Variants in ATP11C observed in about 807,000 individuals in gnomAD.
The protein encoded by ATP11C is phospholipid-transporting ATPase IG.
In ATP11C, 36 loss-of-function variants were observed where a neutral mutation model predicts 97.4. The observed-to-expected ratio is 0.37, with a 90% CI of 0.28 to 0.49. The LOEUF is 0.49. Ranked by LOEUF, ATP11C falls within the 20% of genes least tolerant of loss-of-function variation. The pLI, the probability that ATP11C is intolerant of heterozygous loss-of-function variation, is 0.98. For synonymous variants in ATP11C, 275 were observed against 290.9 expected (o/e 0.95, Z 0.56); for missense variants, 730 against 824.6 (o/e 0.89, Z 1.40).
chrX:139,867,262 GAC>G, intron 1 of ATP11C, among the ~76,000 whole-genome samples: 1 of 111,064 alleles, frequency 9.0e-6, no homozygotes, highest in East Asian at 2.8e-4. Context: ...AGTGGGAGGA[GAC>G]AGACAATAAA....
At chrX:139,935,493 C>G (rs577794107), upstream of ATP11C, among the ~76,000 whole-genome samples, 9 of 111,437 alleles carry the variant, frequency 8.1e-5, no homozygotes, top group African/African-American at 2.9e-4. Context: ...ATCGCTTGAA[C>G]CTGGGAGGTG....
In ATP11C at chrX:139,782,717, C is replaced by T; in HGVS notation, c.1782G>A (p.Arg594=). 8.5e-7 allele frequency: 1 copy of T among 1,183,393 alleles called. No individual in the cohort carries two copies. Among genetic ancestry groups the T allele is most frequent in the Non-Finnish European group, 1.1e-6 (1 of 878,346 alleles). Residue 594 remains arginine (R), a synonymous_variant, in exon 18 of 30, where the codon CGG becomes CGA. Coordinates refer to ENST00000682941, the MANE Select transcript of ATP11C (RefSeq NM_001353812.2). ...HVERNAMDGY[R]TLCVAFKEIA... is the part of the protein sequence containing the mutation. ...TTTCTTTGAAGGCTACACAGAGTGTCCGATACCCATCCTAGGAGTAAAGTA... is the reference window on the plus strand; with the variant it reads ...TTTCTTTGAAGGCTACACAGAGTGTTCGATACCCATCCTAGGAGTAAAGTA...
intron 16 of ATP11C, 151 bp from the exon 17 acceptor site, chrX:139,783,418 T>C (rs2082505818): frequency 2.7e-6 from 1 of 376,993 alleles, no homozygotes; most frequent in South Asian, 7.5e-5. Flanking sequence ...TGAGAAATCT[T>C]GGCCTTCAGT....
chrX:139,762,997 A>G (rs1033989499), intron 21 of ATP11C, among the ~76,000 whole-genome samples: 2 of 112,417 alleles, frequency 1.8e-5, no homozygotes, highest in African/African-American at 6.5e-5. Context: ...CAGAAAATCA[A>G]TAAAAATTTC....
chrX:139,893,234 T>C (rs2084757217), intron 1 of ATP11C, among the ~76,000 whole-genome samples: 1 of 110,761 alleles, frequency 9.0e-6, no homozygotes, highest in Admixed American at 9.6e-5. Flanking sequence ...TGGTTGTTTG[T>C]TTTTTACTAG....
At chrX:139,832,316 A>C in intron 1 of ATP11C, 3 of 1,120,022 alleles carry the variant, frequency 2.7e-6, no homozygotes, top group Non-Finnish European at 3.5e-6. Flanking sequence ...GAAGTGAGCC[A>C]ATTATGGCTT....
chrX:139,786,877 T>A (rs1478228546), intron 15 of ATP11C, among the ~76,000 whole-genome samples: 1 of 112,111 alleles, frequency 8.9e-6, no homozygotes, highest in East Asian at 2.8e-4. Context: ...ATTTTTCCTG[T>A]AGCATGTGTT....
At chrX:139,744,619 A>G (rs1331576143) in intron 25 of ATP11C, among the ~76,000 whole-genome samples, 1 of 112,035 alleles carries the variant, frequency 8.9e-6, no homozygotes, top group Non-Finnish European at 1.9e-5. Flanking sequence ...CTGCACAATC[A>G]GTTATAAATC....
At chrX:139,886,317 G>A (rs1003146296) in intron 1 of ATP11C, among the ~76,000 whole-genome samples, 4 of 110,981 alleles carry the variant, frequency 3.6e-5, no homozygotes, top group Admixed American at 9.7e-5. Flanking sequence ...GTGGCCAGGC[G>A]CGGTGGCTTA....
chrX:139,881,576 G>T (rs768749586), intron 1 of ATP11C, among the ~76,000 whole-genome samples: 8 of 110,881 alleles, frequency 7.2e-5, no homozygotes, highest in African/African-American at 2.6e-4. Flanking sequence ...AAGATGTATG[G>T]GTCTCCACTA....
chrX:139,746,645 A>G (rs2081693007), intron 24 of ATP11C, among the ~76,000 whole-genome samples: 1 of 111,501 alleles, frequency 9.0e-6, no homozygotes, highest in Admixed American at 9.5e-5. Flanking sequence ...GTCAAATAAC[A>G]TGTTTGCAGT....
chrX:139,860,122 A>G lies in ATP11C; in HGVS notation c.28-33299T>C, dbSNP rs867723291. Among the ~76,000 whole-genome samples, 114 of 80,792 alleles carry G rather than the reference A, an allele frequency of 1.4e-3. 8 individuals carry two copies. The highest frequency in any genetic ancestry group is 6.3e-3 in the African/African-American group (60 of 9,511). The allele number at this position is 80,792 out of a possible 115,157, so 70.2% of individuals were successfully genotyped here. ...TCCGTCTCAAAAAAAAAAAAAAAAA[A>G]AAAAGAAAAGAAAGTGCTTAACAAA... On this transcript the variant is annotated intron_variant, in intron 1 of 29. Transcript: ENST00000682941.
chrX:139,819,063 C>T (rs2083347590), intron 3 of ATP11C, among the ~76,000 whole-genome samples: 1 of 111,738 alleles, frequency 8.9e-6, no homozygotes, highest in Non-Finnish European at 1.9e-5. Context: ...ACACAATACA[C>T]GTCATCCTGG....
intron 7 of ATP11C, 30 bp from the exon 8 acceptor site, chrX:139,800,140 T>C: frequency 4.6e-6 from 5 of 1,088,494 alleles, no homozygotes; most frequent in Non-Finnish European, 6.3e-6. Context: ...GCAAATGTGT[T>C]TTCTACATCC....
intron 25 of ATP11C, 75 bp downstream of exon 25, chrX:139,745,647 A>G (rs2081665744): frequency 9.2e-7 from 1 of 1,085,786 alleles, no homozygotes; most frequent in Non-Finnish European, 1.2e-6. Context: ...TATGTATATG[A>G]CAAATCCAGC....
chrX:139,785,245 T>C lies in ATP11C; in HGVS notation c.1647A>G (p.Val549=), dbSNP rs1487288448. Residue 549 remains valine, a synonymous_variant, in exon 16 of 30, where the codon GTA becomes GTG. Transcript: ENST00000682941. ...NFDAVRRRMS[V]IVKTQEGDIL... is the part of the protein sequence containing the mutation. ...ATGTACCTTCTTGAGTCTTCACAAT[T>C]ACACTCATACGTCGCCGGACAGCAT... The C allele has an allele frequency of 8.3e-7, 1 of 1,207,476 alleles. No individual in the cohort carries two copies. Among genetic ancestry groups the C allele is most frequent in the Non-Finnish European group, 1.1e-6 (1 of 892,986 alleles).
chrX:139,813,420 A>G (rs926491184), intron 5 of ATP11C, among the ~76,000 whole-genome samples: 6 of 112,163 alleles, frequency 5.3e-5, no homozygotes, highest in Non-Finnish European at 7.5e-5. Context: ...ACTTCTTTGT[A>G]TTTACTCAAA....
intron 1 of ATP11C, among the ~76,000 whole-genome samples, chrX:139,828,625 C>T (rs952396763): frequency 8.9e-6 from 1 of 111,815 alleles, no homozygotes; most frequent in African/African-American, 3.3e-5. Flanking sequence ...ATTTAATATT[C>T]ATATGGCTGT....
At chrX:139,849,011 A>C (rs2083951096) in intron 1 of ATP11C, among the ~76,000 whole-genome samples, 1 of 111,580 alleles carries the variant, frequency 9.0e-6, no homozygotes, top group African/African-American at 3.3e-5. Flanking sequence ...CACTTACCCT[A>C]AATGCTCATT....
Sources: allele counts gnomAD v4.1 joint callset (sites outside exome capture counted in the v4.1 genomes callset), GRCh38; gene constraint gnomAD v4.1.1; transcripts MANE v1.5; gene names NCBI Gene and HGNC (gene_info 2026-07-23, HGNC 2026-07-21).